Variants in KCNIP4 observed in about 807,000 individuals in gnomAD.
KCNIP4 encodes potassium voltage-gated channel interacting protein 4.
KCNIP4 carries 12 observed loss-of-function variants against 34.0 expected under a neutral mutation model. The observed-to-expected ratio is 0.35, with a 90% CI of 0.23 to 0.57. The LOEUF (loss-of-function observed/expected upper bound fraction) is 0.57. KCNIP4 is among the 20% of genes least tolerant of loss of function. KCNIP4 has a pLI of 0.83. For missense variants in KCNIP4, 238 were observed against 311.7 expected (o/e 0.76, Z 1.78); for synonymous variants, 124 against 102.2 (o/e 1.21, Z -1.29).
intron 1 of KCNIP4, among the ~76,000 whole-genome samples, chr4:21,068,040 C>G (rs1363979276): frequency 1.2e-4 from 19 of 152,074 alleles, no homozygotes. Context: ...ACAGAAATGT[C>G]TTTGGATATC....
intron 1 of KCNIP4, among the ~76,000 whole-genome samples, chr4:21,926,220 C>T (rs28667639): frequency 7.9e-5 from 12 of 151,930 alleles, no homozygotes; most frequent in South Asian, 2.1e-4. Flanking sequence ...ACTTCTAGAA[C>T]GTCAGTATTG....
rs1742671680 is a variant in KCNIP4, at chr4:21,048,942, A to AT, written c.62-166234dup. ...CCAGCTCTTTCAGTACCTTCTGTTTATCTTTTTTTTTTTTTTTTTTTTTTT... is the reference window on the plus strand; with the variant it reads ...CCAGCTCTTTCAGTACCTTCTGTTTATTCTTTTTTTTTTTTTTTTTTTTTTT... On this transcript the variant is annotated intron_variant, in intron 1 of 8. Coordinates refer to ENST00000382152, the MANE Select transcript of KCNIP4 (RefSeq NM_025221.6). Among the ~76,000 whole-genome samples, 8 of 130,726 alleles carry AT rather than the reference A, an allele frequency of 6.1e-5. No individual in the cohort carries two copies. In the East Asian group the frequency reaches 6.7e-4, roughly 11 times the overall value. 85.8% of individuals were successfully genotyped at this position (130,726 alleles called of 152,430 possible). A position where few individuals can be genotyped will look rare whatever the true frequency, so the allele number is the denominator to read the frequency against.
rs1747242905 is a variant in KCNIP4 at position 20,729,466 on chromosome 4, A to AT, written c.*615dup. On this transcript the variant is annotated 3_prime_UTR_variant, in exon 9 of 9. Transcript: ENST00000382152. ...ATTAGGCATATGCTGATATCTGATAATAAACTAATTTTTAAATGTTTAATA... is the reference window on the plus strand; with the variant it reads ...ATTAGGCATATGCTGATATCTGATAATTAAACTAATTTTTAAATGTTTAATA... The AT allele has an allele frequency of 7.6e-6, 1 of 132,368 alleles. No individual in the cohort carries two copies. Among genetic ancestry groups the AT allele is most frequent in the Non-Finnish European group, 1.8e-5 (1 of 56,490 alleles). The allele number at this position is 132,368 out of a possible 1,614,324, so 8.2% of individuals were successfully genotyped here.
intron 1 of KCNIP4, among the ~76,000 whole-genome samples, chr4:21,261,794 A>T (rs1761489976): frequency 6.6e-6 from 1 of 152,100 alleles, no homozygotes; most frequent in Non-Finnish European, 1.5e-5. Context: ...AGTTAATGCT[A>T]CTGTCACTTC....
In KCNIP4 at chr4:21,068,429, T is replaced by C. The variant is rs142667110; in HGVS notation, c.62-185720A>G. ...GCATGAAATCCAACTCCATACCCTA[T>C]GTGGTCTATATAATCTCCCTTTCCT... On this transcript the variant is annotated intron_variant, in intron 1 of 8. Transcript: ENST00000382152. 5.2e-3 allele frequency among the ~76,000 whole-genome samples: 796 copies of C among 152,260 alleles called. 7 individuals carry two copies. Among genetic ancestry groups the C allele is most frequent in the African/African-American group, 0.018 (764 of 41,558 alleles).
chr4:21,616,087 C>T (rs1353857752), intron 1 of KCNIP4, among the ~76,000 whole-genome samples: 1 of 152,182 alleles, frequency 6.6e-6, no homozygotes, highest in African/African-American at 2.4e-5. Context: ...CAAGGCCCTA[C>T]AAGCTCTGGC....
At chr4:20,956,668 G>C (rs1013752999) in intron 1 of KCNIP4, among the ~76,000 whole-genome samples, 1 of 152,138 alleles carries the variant, frequency 6.6e-6, no homozygotes, top group Non-Finnish European at 1.5e-5. Context: ...ATAAAAGCAA[G>C]TTAAAGAAAT....
intron 1 of KCNIP4, among the ~76,000 whole-genome samples, chr4:21,779,928 C>A (rs1432574413): frequency 7.9e-5 from 6 of 76,264 alleles, no homozygotes; most frequent in Non-Finnish European, 2.1e-4. Context: ...AAGATCCTGT[C>A]TCAAAAAAAA....
intron 1 of KCNIP4, among the ~76,000 whole-genome samples, chr4:21,615,928 A>G (rs561193636): frequency 5.3e-5 from 8 of 152,288 alleles, no homozygotes; most frequent in Middle Eastern, 3.4e-3. Context: ...AAAATACCCT[A>G]TGAATTTGTC....
At chr4:20,994,911 TG>T (rs1251677833) in intron 1 of KCNIP4, among the ~76,000 whole-genome samples, 1 of 152,078 alleles carries the variant, frequency 6.6e-6, no homozygotes, top group Non-Finnish European at 1.5e-5. Context: ...CTCTAGGAAA[TG>T]GGGGGCTTTA....
At chr4:20,790,643 C>T (rs1362759521) in intron 3 of KCNIP4, among the ~76,000 whole-genome samples, 1 of 152,034 alleles carries the variant, frequency 6.6e-6, no homozygotes, top group East Asian at 1.9e-4. Context: ...ATCAGGATCC[C>T]TATTATGACT....
chr4:21,075,585 CTT>C lies in KCNIP4; in HGVS notation c.62-192878_62-192877del, dbSNP rs538138998. On this transcript the variant is annotated intron_variant, in intron 1 of 8. Coordinates refer to ENST00000382152, the MANE Select transcript of KCNIP4 (RefSeq NM_025221.6). The stretch of plus-strand genomic sequence containing the variant: ...TATAGCACACTGATGAGTCTTGACT[CTT>C]TATCCAATTTGCCAGTCTGTGACTT... Among the ~76,000 whole-genome samples the C allele has an allele frequency of 1.1e-3, 168 of 152,190 alleles. 1 individual carries two copies. Among genetic ancestry groups the C allele is most frequent in the African/African-American group, 3.9e-3 (164 of 41,536 alleles).
rs1430438561 is a variant in KCNIP4 at position 21,811,499 on chromosome 4, C to T, written c.61+137072G>A. Among the ~76,000 whole-genome samples, 2 of 152,314 alleles carry T rather than the reference C, an allele frequency of 1.3e-5. 1 individual carries two copies. The highest frequency in any genetic ancestry group is 4.1e-4 in the South Asian group (2 of 4,830). ...TAAAACCTTGCCTTTTATAATCCCA[C>T]TTCAGGACTTCTGAATCTGCAGCAA... On this transcript the variant is annotated intron_variant, in intron 1 of 8. Transcript: ENST00000382152.
At chr4:21,374,009 G>GTAA (rs1720736377) in intron 1 of KCNIP4, among the ~76,000 whole-genome samples, 1 of 147,316 alleles carries the variant, frequency 6.8e-6, no homozygotes, top group East Asian at 2.0e-4. Context: ...CCAGCCTAGG[G>GTAA]TTTCTCATTT....
chr4:20,738,063 G>C (rs564479782), intron 5 of KCNIP4, among the ~76,000 whole-genome samples: 2 of 151,624 alleles, frequency 1.3e-5, no homozygotes, highest in African/African-American at 4.9e-5. Context: ...CCAGAAGGTC[G>C]AGGCTACAGT....
chr4:21,286,531 A>G (rs186326048), intron 1 of KCNIP4, among the ~76,000 whole-genome samples: 3 of 152,292 alleles, frequency 2.0e-5, no homozygotes, highest in Admixed American at 6.5e-5. Context: ...GAGGCACCTC[A>G]TTTCTATTTT....
At chr4:21,622,194 T>G (rs532556672) in intron 1 of KCNIP4, among the ~76,000 whole-genome samples, 1 of 152,298 alleles carries the variant, frequency 6.6e-6, no homozygotes, top group East Asian at 1.9e-4. Context: ...TATTCACAGA[T>G]GTACAAATGA....
At chr4:21,917,480 C>T (rs1020581117) in intron 1 of KCNIP4, among the ~76,000 whole-genome samples, 2 of 152,110 alleles carry the variant, frequency 1.3e-5, no homozygotes, top group African/African-American at 2.4e-5. Flanking sequence ...CAAAGGCACA[C>T]AGATACGCCC....
chr4:21,144,050 T>C (rs1752175694), intron 1 of KCNIP4, among the ~76,000 whole-genome samples: 2 of 152,136 alleles, frequency 1.3e-5, no homozygotes. Context: ...TTAACTCCCC[T>C]TGAGTGAGTG....
Sources: gnomAD v4.1 joint callset for allele counts (sites outside exome capture counted in the v4.1 genomes callset) on GRCh38, gnomAD v4.1.1 for gene constraint, MANE v1.5 for transcripts, NCBI Gene and HGNC (gene_info 2026-07-23, HGNC 2026-07-21) for gene names.